ZC3HAV1: variants seen among roughly 807,000 people sequenced by gnomAD.
ZC3HAV1 encodes zinc finger CCCH-type containing, antiviral 1, also known as zinc finger CCCH-type antiviral protein 1.
Under a neutral mutation model 86.6 loss-of-function variants are expected in ZC3HAV1, and 41 were observed. The observed-to-expected ratio is 0.47, with a 90% confidence interval of 0.37 to 0.61. The LOEUF (loss-of-function observed/expected upper bound fraction) is 0.61, where lower values mean the gene tolerates loss of function less well. Among genes scored for constraint, ZC3HAV1 ranks in the 20% least tolerant of loss-of-function variants. The pLI is 0.00. For synonymous variants in ZC3HAV1, 421 were observed against 432.1 expected, an observed-to-expected ratio of 0.97 and a Z score of 0.32; for missense variants, 964 against 1,141.1, an observed-to-expected ratio of 0.84 and a Z score of 2.24.
In ZC3HAV1 at chr7:139,047,577, C is replaced by G; in HGVS notation, c.*17G>C. On this transcript the variant is annotated 3_prime_UTR_variant, in exon 13 of 13. Transcript: ENST00000242351. The stretch of plus-strand genomic sequence containing the variant: ...CAGAATGGTTATGGCATCCTTCTGA[C>G]GCTGTATTCATCGGTTCTAACTAAT... The G allele has an allele frequency of 6.2e-7, 1 of 1,613,766 alleles. No homozygotes were observed. Among genetic ancestry groups the G allele is most frequent in the Non-Finnish European group, 8.5e-7 (1 of 1,179,916 alleles).
At chr7:139,065,529 A>G (rs1437075489) in intron 7 of ZC3HAV1, among the ~76,000 whole-genome samples, 1 of 152,222 alleles carries the variant, frequency 6.6e-6, no homozygotes, top group Non-Finnish European at 1.5e-5. Flanking sequence ...GAACCAGAGT[A>G]AGTAAACAAA....
In ZC3HAV1 at chr7:139,108,961, C is replaced by T; in HGVS notation, c.308+63G>A. ...AGCCGTGCCCCTCCCAGAACATTGC[C>T]CGCCTGGACAGTCCACCCCGACCAC... is the stretch of plus-strand genomic sequence containing the variant. On this transcript the variant is annotated intron_variant, in intron 1 of 12. Transcript: ENST00000242351. This position sits in a 1 kb window ranked among gnomAD's most constrained non-coding sequence, Gnocchi z 4.2. The T allele has an allele frequency of 6.8e-7, 1 of 1,473,286 alleles. No homozygotes were observed. The highest frequency in any genetic ancestry group is 1.4e-5 in the South Asian group (1 of 73,120). The allele number at this position is 1,473,286 out of a possible 1,614,324, so 91.3% of individuals were successfully genotyped here.
rs368121779 is a variant in ZC3HAV1, at chr7:139,083,708, CAGAG to C, written c.697+68_697+71del. The C allele has an allele frequency of 3.4e-6, 5 of 1,463,516 alleles. No homozygotes were observed. The African/African-American group carries it at 5.0e-5, about 15-fold the overall frequency. The allele number at this position is 1,463,516 out of a possible 1,614,324, so 90.7% of individuals were successfully genotyped here. ...CGCCACTGTACTCCAGCTTGGGTGA[CAGAG>C]AGAGACTCTGTCTCAAAAAAAAAAA... On this transcript the variant is annotated intron_variant, in intron 3 of 12. Coordinates refer to ENST00000242351, the MANE Select transcript of ZC3HAV1 (RefSeq NM_020119.4).
At chr7:139,102,107 A>C (rs956055997) in intron 1 of ZC3HAV1, among the ~76,000 whole-genome samples, 3 of 152,150 alleles carry the variant, frequency 2.0e-5, no homozygotes, top group Non-Finnish European at 4.4e-5. Flanking sequence ...ATAATGGTTT[A>C]ATAGCAAATA....
intron 7 of ZC3HAV1, among the ~76,000 whole-genome samples, chr7:139,068,691 T>C (rs1443964738): frequency 3.3e-5 from 5 of 152,228 alleles, no homozygotes; most frequent in Admixed American, 6.5e-5. Context: ...CAGCCTAGCA[T>C]GGCTCCACAC....
At chr7:139,071,333 C>G (rs928239427) in intron 7 of ZC3HAV1, among the ~76,000 whole-genome samples, 1 of 152,016 alleles carries the variant, frequency 6.6e-6, no homozygotes, top group Non-Finnish European at 1.5e-5. Context: ...AACTCCTGAC[C>G]TCAGGTGATC....
chr7:139,108,874 C>A lies in ZC3HAV1; in HGVS notation c.308+150G>T. 1 of 1,068,222 alleles carries A rather than the reference C, an allele frequency of 9.4e-7. No individual in the cohort carries two copies. Among genetic ancestry groups the A allele is most frequent in the South Asian group, 1.7e-5 (1 of 58,866 alleles). The allele number at this position is 1,068,222 out of a possible 1,614,324, so 66.2% of individuals were successfully genotyped here. ...GAAGCGCGGGCCCTGCAGAGGCTCC[C>A]AGAGGGGAGCAGAGAAGGGAGTGGC... On this transcript the variant is annotated intron_variant, in intron 1 of 12. Transcript: ENST00000242351. The surrounding 1 kb of genome is among the most constrained non-coding windows in gnomAD (Gnocchi z 4.2).
rs1005990741 is a variant in ZC3HAV1 at position 139,108,777 on chromosome 7, C to T, written c.308+247G>A. ...GGGTGGAGGTTGAGCCTGGTCTCCT[C>T]CAGGCACTAGCATTTTAGCCATTCT... On this transcript the variant is annotated intron_variant, in intron 1 of 12. Coordinates refer to ENST00000242351, the MANE Select transcript of ZC3HAV1 (RefSeq NM_020119.4). The surrounding 1 kb of genome is among the most constrained non-coding windows in gnomAD (Gnocchi z 4.2). Among the ~76,000 whole-genome samples the T allele has an allele frequency of 1.3e-5, 2 of 152,242 alleles. No homozygotes were observed. The highest frequency in any genetic ancestry group is 2.9e-5 in the Non-Finnish European group (2 of 68,040).
chr7:139,074,997 A>G (rs1816893781), intron 6 of ZC3HAV1, among the ~76,000 whole-genome samples: 1 of 152,188 alleles, frequency 6.6e-6, no homozygotes, highest in African/African-American at 2.4e-5. Context: ...GTGGTTCTCA[A>G]TCAGGAACGA....
In ZC3HAV1 at chr7:139,047,567, A is replaced by G; in HGVS notation, c.*27T>C. 1 of 1,613,086 alleles carries G rather than the reference A, an allele frequency of 6.2e-7. No individual in the cohort carries two copies. Among genetic ancestry groups the G allele is most frequent in the Non-Finnish European group, 8.5e-7 (1 of 1,179,790 alleles). ...TGTAAAGGAACAGAATGGTTATGGC[A>G]TCCTTCTGACGCTGTATTCATCGGT... On this transcript the variant is annotated 3_prime_UTR_variant, in exon 13 of 13. Transcript: ENST00000242351.
chr7:139,065,424 C>T (rs1389886575), intron 7 of ZC3HAV1, among the ~76,000 whole-genome samples: 5 of 152,168 alleles, frequency 3.3e-5, no homozygotes, highest in African/African-American at 9.7e-5. Flanking sequence ...TTACAGTAGT[C>T]GTGAAGGGAA....
At position 139,108,804 on chromosome 7, in the gene ZC3HAV1, G is replaced by C. The variant is rs1030213287; in HGVS notation, c.308+220C>G. Among the ~76,000 whole-genome samples, 2 of 152,190 alleles carry C rather than the reference G, an allele frequency of 1.3e-5. No homozygotes were observed. The highest frequency in any genetic ancestry group is 2.4e-5 in the African/African-American group (1 of 41,458). On this transcript the variant is annotated intron_variant, in intron 1 of 12. Coordinates refer to ENST00000242351, the MANE Select transcript of ZC3HAV1 (RefSeq NM_020119.4). The surrounding 1 kb of genome is among the most constrained non-coding windows in gnomAD (Gnocchi z 4.2). ...AGGCACTAGCATTTTAGCCATTCTC[G>C]AGAAAATGTCTGGAGGTGCCGGAAG...
chr7:139,087,949 T>A (rs1462815398), intron 2 of ZC3HAV1, among the ~76,000 whole-genome samples: 2 of 145,750 alleles, frequency 1.4e-5, no homozygotes, highest in Non-Finnish European at 3.0e-5. Flanking sequence ...GGAGGATAAC[T>A]TCAGCCCAGG....
chr7:139,095,692 C>G (rs1008675212), intron 1 of ZC3HAV1, among the ~76,000 whole-genome samples: 12 of 152,170 alleles, frequency 7.9e-5, no homozygotes, highest in Non-Finnish European at 1.6e-4. Context: ...ACAAACAGCA[C>G]CGGTGCCACC....
intron 1 of ZC3HAV1, among the ~76,000 whole-genome samples, chr7:139,094,771 A>G (rs4728460): frequency 0.22 from 32,957 of 152,046 alleles, 4,019 homozygotes; most frequent in East Asian, 0.42. Flanking sequence ...CACACCCTGG[A>G]GACTGGCTTC....
intron 9 of ZC3HAV1, chr7:139,060,401 A>G (rs1449518609): frequency 1.0e-6 from 1 of 987,422 alleles, no homozygotes; most frequent in Non-Finnish European, 1.2e-6. Flanking sequence ...AATCCCCCAC[A>G]GCAACATTTC....
chr7:139,098,508 A>G (rs1399826726), intron 1 of ZC3HAV1, among the ~76,000 whole-genome samples: 2 of 152,164 alleles, frequency 1.3e-5, no homozygotes, highest in Non-Finnish European at 2.9e-5. Flanking sequence ...ACATATTAAA[A>G]TATCTTCCCA....
In ZC3HAV1 at chr7:139,055,226, G is replaced by A. The variant is rs760933331; in HGVS notation, c.2166C>T (p.Phe722=). The A allele has an allele frequency of 2.2e-5, 36 of 1,612,892 alleles. No homozygotes were observed. Among genetic ancestry groups the A allele is most frequent in the Non-Finnish European group, 2.7e-5 (32 of 1,179,382 alleles). Reference sequence around the variant, plus strand: ...GTACCTTATATTTCTTTGAGGATAGGAAGCAAAAGTCCTCCTGAGGACGAA... The same window carrying A: ...GTACCTTATATTTCTTTGAGGATAGAAAGCAAAAGTCCTCCTGAGGACGAA... ...ATFRPQEDFC[F]LSSKKYKLSE... is the part of the protein sequence containing the mutation. Residue 722 remains phenylalanine (F), a synonymous_variant, in exon 10 of 13, where the codon TTC becomes TTT. Transcript: ENST00000242351.
chr7:139,054,630 T>C (rs973326229), intron 10 of ZC3HAV1, among the ~76,000 whole-genome samples: 7 of 152,224 alleles, frequency 4.6e-5, no homozygotes, highest in African/African-American at 9.6e-5. Flanking sequence ...CCATTTCACA[T>C]GGCTGTTGCG....
Sources: allele counts gnomAD v4.1 joint callset (sites outside exome capture counted in the v4.1 genomes callset), GRCh38; gene constraint gnomAD v4.1.1; non-coding constraint Gnocchi (gnomAD v3.1); transcripts MANE v1.5; gene names NCBI Gene and HGNC (gene_info 2026-07-23, HGNC 2026-07-21).